Variants in ABAT observed in about 807,000 individuals in gnomAD.
ABAT encodes 4-aminobutyrate aminotransferase, mitochondrial.
Under a neutral mutation model 64.6 loss-of-function variants are expected in ABAT, and 45 were observed. The ratio of observed to expected loss-of-function variants is 0.70; its 90% confidence interval spans 0.55 to 0.89. The LOEUF is 0.89. ABAT is among the 40% of genes least tolerant of loss of function. ABAT has a pLI of 0.00. For missense variants in ABAT, 633 were observed against 658.4 expected (o/e 0.96, Z 0.42); for synonymous variants, 297 against 250.5 (o/e 1.19, Z -1.75).
intron 13 of ABAT, among the ~76,000 whole-genome samples, chr16:8,775,721 A>AG (rs1437523469): frequency 6.6e-6 from 1 of 152,224 alleles, no homozygotes; most frequent in East Asian, 1.9e-4. Flanking sequence ...AAAGAAGGGA[A>AG]GGACAAAGTG....
At chr16:8,766,439 A>G (rs1273403) in intron 9 of ABAT, among the ~76,000 whole-genome samples, 169 bp downstream of exon 9, 150,881 of 152,208 alleles carry the variant, frequency 0.99, 74,788 homozygotes, top group Middle Eastern at 1. Flanking sequence ...CGGATCACCC[A>G]AGGTCAGGAG....
intron 11 of ABAT, among the ~76,000 whole-genome samples, chr16:8,772,209 C>T (rs1223375482): frequency 6.8e-6 from 1 of 146,302 alleles, no homozygotes; most frequent in South Asian, 2.1e-4. Context: ...GTAGCAGCCA[C>T]CACTTTATGT....
intron 1 of ABAT, among the ~76,000 whole-genome samples, chr16:8,676,293 C>T (rs1335713644): frequency 6.6e-6 from 1 of 152,084 alleles, no homozygotes; most frequent in Middle Eastern, 3.2e-3. Flanking sequence ...CACAGAGGCA[C>T]AAAAGGGGAA....
rs148548608 is a variant in ABAT at position 8,778,368 on chromosome 16, G to A, written c.1270-1111G>A. Among the ~76,000 whole-genome samples, 941 of 152,222 alleles carry A rather than the reference G, an allele frequency of 6.2e-3. 5 individuals are homozygous for A. Among genetic ancestry groups the A allele is most frequent in the Admixed American group, 0.011 (170 of 15,286 alleles). On this transcript the variant is annotated intron_variant, in intron 14 of 15. Coordinates refer to ENST00000268251, the MANE Select transcript of ABAT (RefSeq NM_020686.6). ...CCCTCTCCACCTTCTCGTGGCTGCC[G>A]GGAATCCTTCATGTTCCTTGACGTG...
intron 1 of ABAT, among the ~76,000 whole-genome samples, chr16:8,706,323 C>G (rs2057941872): frequency 6.7e-6 from 1 of 149,010 alleles, no homozygotes; most frequent in South Asian, 2.1e-4. Flanking sequence ...GGAGGATCAC[C>G]TGAGCCCTGA....
rs549018134 is a variant in ABAT at position 8,693,572 on chromosome 16, G to A, written c.-42+18861G>A. On this transcript the variant is annotated intron_variant, in intron 1 of 15. Coordinates refer to ENST00000268251, the MANE Select transcript of ABAT (RefSeq NM_020686.6). The stretch of plus-strand genomic sequence containing the variant: ...CAACCTCCGCCTCCCGGGTTCACGT[G>A]ATCCTCATGCCTCGGCCTCCTGAGT... Among the ~76,000 whole-genome samples the A allele has an allele frequency of 2.6e-5, 4 of 152,102 alleles. No individual in the cohort carries two copies. The South Asian group carries it at 8.3e-4, about 32-fold the overall frequency.
intron 2 of ABAT, among the ~76,000 whole-genome samples, chr16:8,743,651 A>G (rs1366887793): frequency 7.3e-6 from 1 of 137,236 alleles, no homozygotes; most frequent in Non-Finnish European, 1.5e-5. Flanking sequence ...AATATATAAT[A>G]TATATTTTAG....
chr16:8,709,524 C>G (rs1394648495), intron 1 of ABAT, among the ~76,000 whole-genome samples: 4 of 152,120 alleles, frequency 2.6e-5, no homozygotes, highest in African/African-American at 9.7e-5. Context: ...CAGGCTCCTG[C>G]CACCATACCC....
At chr16:8,698,319 T>C (rs564130617) in intron 1 of ABAT, among the ~76,000 whole-genome samples, 8 of 152,138 alleles carry the variant, frequency 5.3e-5, no homozygotes, top group South Asian at 2.1e-4. Context: ...TTGGGTTTGT[T>C]TCCCCCTTCT....
chr16:8,780,740 G>A lies in ABAT; in HGVS notation c.1382-569G>A, dbSNP rs141471883. The A allele has an allele frequency of 5.6e-3, 1,074 of 190,224 alleles. 7 individuals carry two copies. Among genetic ancestry groups the A allele is most frequent in the African/African-American group, 0.025 (1,026 of 41,424 alleles). The allele number at this position is 190,224 out of a possible 1,614,324, so 11.8% of individuals were successfully genotyped here. Reference sequence around the variant, plus strand: ...GGGTTGCCACTGCACCCCAGCCTGGGTGACAGCGCGAGACTCCATCTCTAA... The same window carrying A: ...GGGTTGCCACTGCACCCCAGCCTGGATGACAGCGCGAGACTCCATCTCTAA... On this transcript the variant is annotated intron_variant, in intron 15 of 15. Coordinates refer to ENST00000268251, the MANE Select transcript of ABAT (RefSeq NM_020686.6).
chr16:8,699,234 G>A (rs997045950), intron 1 of ABAT, among the ~76,000 whole-genome samples: 4 of 152,220 alleles, frequency 2.6e-5, no homozygotes, highest in African/African-American at 9.6e-5. Context: ...AGAGATTGGG[G>A]AGGGGAGATG....
chr16:8,748,021 C>T, intron 3 of ABAT, 87 bp from the exon 4 acceptor site: 1 of 1,348,244 alleles, frequency 7.4e-7, no homozygotes, highest in South Asian at 1.2e-5. Context: ...GAAAAAAATG[C>T]CAAGACTTGG....
intron 12 of ABAT, among the ~76,000 whole-genome samples, 162 bp from the exon 13 acceptor site, chr16:8,774,728 T>G (rs748089942): frequency 9.2e-5 from 14 of 151,984 alleles, no homozygotes; most frequent in Non-Finnish European, 1.3e-4. Flanking sequence ...TTTTGATTAG[T>G]TTTTTTTGTG....
At chr16:8,774,267 C>G (rs1007155448) in intron 12 of ABAT, among the ~76,000 whole-genome samples, 5 of 152,108 alleles carry the variant, frequency 3.3e-5, no homozygotes, top group African/African-American at 4.8e-5. Context: ...TTTATCCATT[C>G]ATCCATCGAT....
intron 11 of ABAT, among the ~76,000 whole-genome samples, chr16:8,772,324 C>A (rs959329416): frequency 6.6e-6 from 1 of 151,050 alleles, no homozygotes; most frequent in Non-Finnish European, 1.5e-5. Context: ...ACCTTTATTT[C>A]TCTCAATATA....
At chr16:8,747,808 A>G (rs912078317) in intron 3 of ABAT, among the ~76,000 whole-genome samples, 14 of 152,160 alleles carry the variant, frequency 9.2e-5, no homozygotes, top group Non-Finnish European at 1.6e-4. Context: ...ATCTGTTTTT[A>G]TGGACACTAG....
chr16:8,719,875 G>C (rs939215122), intron 1 of ABAT, among the ~76,000 whole-genome samples: 1 of 152,126 alleles, frequency 6.6e-6, no homozygotes, highest in Non-Finnish European at 1.5e-5. Flanking sequence ...GCAGTGGCAC[G>C]ACCTCTACTC....
intron 1 of ABAT, among the ~76,000 whole-genome samples, chr16:8,718,720 G>T (rs557507065): frequency 6.6e-6 from 1 of 152,188 alleles, no homozygotes; most frequent in Non-Finnish European, 1.5e-5. Context: ...AACAGGAATA[G>T]AAGTATTTGC....
chr16:8,740,616 A>G (rs995203493), intron 2 of ABAT, among the ~76,000 whole-genome samples: 1 of 152,158 alleles, frequency 6.6e-6, no homozygotes. Context: ...CTGCTTCTCC[A>G]TGGTGTCTCC....
Sources: gnomAD v4.1 joint callset for allele counts (sites outside exome capture counted in the v4.1 genomes callset) on GRCh38, gnomAD v4.1.1 for gene constraint, MANE v1.5 for transcripts, NCBI Gene and HGNC (gene_info 2026-07-23, HGNC 2026-07-21) for gene names.